Variants in ZFAND3 observed in about 807,000 individuals in gnomAD.
ZFAND3 encodes the protein AN1-type zinc finger protein 3.
A neutral mutation model predicts 29.6 loss-of-function variants in ZFAND3; 10 were observed. That is an observed-to-expected ratio of 0.34 (90% CI 0.21 to 0.57). The LOEUF is 0.57. Among genes scored for constraint, ZFAND3 ranks in the 20% least tolerant of loss-of-function variants. The probability of loss-of-function intolerance (pLI) is 0.86; values close to 1 mark genes in which losing one functional copy is unlikely to be tolerated. For missense variants in ZFAND3, 230 were observed against 304.5 expected, an observed-to-expected ratio of 0.76 and a Z score of 1.82; for synonymous variants, 128 against 112.6, an observed-to-expected ratio of 1.14 and a Z score of -0.87.
chr6:38,040,474 C>CATA (rs1287838937), intron 2 of ZFAND3, among the ~76,000 whole-genome samples: 1 of 152,158 alleles, frequency 6.6e-6, no homozygotes, highest in Non-Finnish European at 1.5e-5. Flanking sequence ...TTTGTTTATA[C>CATA]ATTCATCTGT....
chr6:37,916,755 C>G (rs937093160), intron 1 of ZFAND3, among the ~76,000 whole-genome samples: 62 of 152,060 alleles, frequency 4.1e-4, no homozygotes, highest in African/African-American at 1.3e-3. Flanking sequence ...TGCAGTCAAC[C>G]ATGTTGTGAA....
intron 5 of ZFAND3, among the ~76,000 whole-genome samples, chr6:38,150,724 C>T (rs1419381830): frequency 6.6e-6 from 1 of 152,144 alleles, no homozygotes; most frequent in Non-Finnish European, 1.5e-5. Flanking sequence ...AGTCAGTTTG[C>T]AAGGGGTGGC....
At chr6:37,883,367 G>A in intron 1 of ZFAND3, among the ~76,000 whole-genome samples, 1 of 152,208 alleles carries the variant, frequency 6.6e-6, no homozygotes, top group African/African-American at 2.4e-5. Context: ...TACTGTACCA[G>A]CAATATTGTC....
intron 4 of ZFAND3, among the ~76,000 whole-genome samples, chr6:38,109,186 T>TC (rs1554181610): frequency 7.9e-5 from 12 of 151,054 alleles, no homozygotes; most frequent in African/African-American, 2.7e-4. Flanking sequence ...GACTTTTTTT[T>TC]TTTTTTTTTT....
At chr6:37,846,290 A>G (rs939976399) in intron 1 of ZFAND3, among the ~76,000 whole-genome samples, 1 of 152,254 alleles carries the variant, frequency 6.6e-6, no homozygotes, top group Non-Finnish European at 1.5e-5. Flanking sequence ...AAGCCTTAGC[A>G]GAAACTAGCA....
At chr6:38,020,259 T>G (rs1763324206) in intron 2 of ZFAND3, among the ~76,000 whole-genome samples, 1 of 152,252 alleles carries the variant, frequency 6.6e-6, no homozygotes. Context: ...TTAATTATAT[T>G]CTTAAAGCAC....
chr6:37,963,640 C>G (rs551318226), intron 2 of ZFAND3, among the ~76,000 whole-genome samples: 112 of 152,180 alleles, frequency 7.4e-4, no homozygotes, highest in African/African-American at 2.6e-3. Context: ...AGTTCTTCAG[C>G]TTCCATCCTG....
chr6:37,868,849 C>T (rs1340712818), intron 1 of ZFAND3, among the ~76,000 whole-genome samples: 4 of 152,188 alleles, frequency 2.6e-5, no homozygotes, highest in Non-Finnish European at 4.4e-5. Context: ...GTTATGCTTG[C>T]CTCAAAATCA....
At chr6:38,063,612 C>G (rs892560327) in intron 3 of ZFAND3, among the ~76,000 whole-genome samples, 1 of 152,240 alleles carries the variant, frequency 6.6e-6, no homozygotes, top group East Asian at 1.9e-4. Context: ...AAGAGACATA[C>G]TAGACAGAGT....
Position 37,819,864 on chromosome 6 carries a change from C to A in ZFAND3, c.-82C>A. 2 of 1,038,760 alleles carry A rather than the reference C, an allele frequency of 1.9e-6. No individual in the cohort carries two copies. Among genetic ancestry groups the A allele is most frequent in the Non-Finnish European group, 2.4e-6 (2 of 839,436 alleles). 64.3% of individuals were successfully genotyped at this position (1,038,760 alleles called of 1,614,324 possible). A position where few individuals can be genotyped will look rare whatever the true frequency, so the allele number is the denominator to read the frequency against. On this transcript the variant is annotated 5_prime_UTR_variant, in exon 1 of 6. Coordinates refer to ENST00000287218, the MANE Select transcript of ZFAND3 (RefSeq NM_021943.3). ...CCCCGCCCCGAGCCCCCCGACGCCG[C>A]CGCCACCGCCTCCTCAGAGCGGGGC...
chr6:37,930,035 A>AT (rs771830310), intron 2 of ZFAND3, 36 bp downstream of exon 2: 2 of 1,517,716 alleles, frequency 1.3e-6, no homozygotes, highest in Non-Finnish European at 8.8e-7. Context: ...ATTTACTTTC[A>AT]TTTTTCTTTC....
intron 1 of ZFAND3, among the ~76,000 whole-genome samples, chr6:37,846,638 G>T (rs549358492): frequency 6.6e-6 from 1 of 152,012 alleles, no homozygotes; most frequent in East Asian, 1.9e-4. Context: ...CATCTAGAAA[G>T]AGGTGGAGCT....
intron 2 of ZFAND3, among the ~76,000 whole-genome samples, chr6:37,956,271 T>C (rs534707504): frequency 3.3e-5 from 5 of 152,324 alleles, no homozygotes; most frequent in African/African-American, 1.2e-4. Flanking sequence ...TGGGCCACAC[T>C]CTACAGAGTT....
At chr6:38,135,196 C>T (rs1377906468) in intron 5 of ZFAND3, among the ~76,000 whole-genome samples, 1 of 152,176 alleles carries the variant, frequency 6.6e-6, no homozygotes, top group African/African-American at 2.4e-5. Flanking sequence ...AGAGGTGACA[C>T]TCTTAACTGT....
intron 4 of ZFAND3, among the ~76,000 whole-genome samples, chr6:38,103,737 A>C (rs566380877): frequency 1.4e-4 from 22 of 152,324 alleles, no homozygotes; most frequent in Non-Finnish European, 2.5e-4. Context: ...GCCAAGGAAC[A>C]GATTAAAATT....
rs1375225579 is a variant in ZFAND3, at chr6:38,127,505, A to G, written c.529+10766A>G. The stretch of plus-strand genomic sequence containing the variant: ...CTGAGCTTAGCCCTCTTATTTTTAA[A>G]CCAGTATCATAAGAGACACCCAGAT... On this transcript the variant is annotated intron_variant, in intron 5 of 5. Coordinates refer to ENST00000287218, the MANE Select transcript of ZFAND3 (RefSeq NM_021943.3). Among the ~76,000 whole-genome samples the G allele has an allele frequency of 2.6e-5, 4 of 152,128 alleles. No individual in the cohort carries two copies. The East Asian group carries it at 7.7e-4, about 29-fold the overall frequency.
intron 5 of ZFAND3, among the ~76,000 whole-genome samples, chr6:38,146,082 G>T (rs1766100617): frequency 6.6e-6 from 1 of 152,224 alleles, no homozygotes; most frequent in Non-Finnish European, 1.5e-5. Context: ...CTTGGGCGGG[G>T]CCCCGGGATG....
chr6:37,834,231 A>T (rs941635462), intron 1 of ZFAND3, among the ~76,000 whole-genome samples: 1 of 152,194 alleles, frequency 6.6e-6, no homozygotes, highest in African/African-American at 2.4e-5. Context: ...CTTTTCCAAA[A>T]TTTCATATTG....
chr6:38,089,321 T>G (rs942808853), intron 4 of ZFAND3, among the ~76,000 whole-genome samples: 2 of 152,094 alleles, frequency 1.3e-5, no homozygotes, highest in Non-Finnish European at 2.9e-5. Context: ...AGAGACAGGG[T>G]TTCACCATGT....
Sources: allele counts gnomAD v4.1 joint callset (sites outside exome capture counted in the v4.1 genomes callset), GRCh38; gene constraint gnomAD v4.1.1; transcripts MANE v1.5; gene names NCBI Gene and HGNC (gene_info 2026-07-23, HGNC 2026-07-21).